LDLRAD2: variants seen among roughly 807,000 people sequenced by gnomAD.
LDLRAD2 encodes the protein low-density lipoprotein receptor class A domain-containing protein 2.
In LDLRAD2, 25 loss-of-function variants were observed where a neutral mutation model predicts 24.9. The ratio of observed to expected loss-of-function variants is 1.00; its 90% CI spans 0.73 to 1.40. The LOEUF (loss-of-function observed/expected upper bound fraction) is 1.40, where lower values mean the gene tolerates loss of function less well. LDLRAD2 is among the 40% of genes most tolerant of loss of function. The probability of loss-of-function intolerance (pLI) is 0.00; values close to 1 mark genes in which losing one functional copy is unlikely to be tolerated. For synonymous variants in LDLRAD2, 182 were observed against 166.7 expected (o/e 1.09, Z -0.71); for missense variants, 391 against 366.2 (o/e 1.07, Z -0.55).
In LDLRAD2 at chr1:21,814,538, C is replaced by T. The variant is rs1393655212; in HGVS notation, c.226C>T (p.Arg76Trp). 1 of 1,612,440 alleles carries T rather than the reference C, an allele frequency of 6.2e-7. No homozygotes were observed. Among genetic ancestry groups the T allele is most frequent in the East Asian group, 2.2e-5 (1 of 44,838 alleles). Residue 76 changes from arginine (R) to tryptophan (W), a missense_variant, in exon 2 of 5, where the codon CGG (arginine) becomes TGG (tryptophan). Arg to Trp is a moderately radical substitution (Grantham distance 101, BLOSUM62 -3). Coordinates refer to ENST00000344642, the MANE Select transcript of LDLRAD2 (RefSeq NM_001013693.3). The stretch of plus-strand genomic sequence containing the variant: ...GGTGCAGGCGGCAGCCCCCGGCGAC[C>T]GGATCCGCTTCCAGTTCCGCTTCTT... The part of the protein sequence containing the change: ...LWVQAAAPGD[R>W]IRFQFRFFLV...
At chr1:21,814,917 AG>A in intron 2 of LDLRAD2, 94 bp downstream of exon 2, 1 of 1,202,934 alleles carries the variant, frequency 8.3e-7, no homozygotes, top group Non-Finnish European at 1.1e-6. Context: ...CGCTGCCGAC[AG>A]GGGAATGGCA....
chr1:21,815,986 C>T lies in LDLRAD2; in HGVS notation c.555C>T (p.Ile185=), dbSNP rs780586018. Residue 185 remains isoleucine (I), a synonymous_variant, in exon 3 of 5, where the codon ATC becomes ATT. Coordinates refer to ENST00000344642, the MANE Select transcript of LDLRAD2 (RefSeq NM_001013693.3). The part of the protein sequence containing the change: ...AYFRCQNGRC[I]PSSLVCDPWG... ...TCCGCTGCCAGAATGGCAGGTGCAT[C>T]CCCTCAAGCCTCGTGTGTGACCCCT... 1 of 1,613,906 alleles carries T rather than the reference C, an allele frequency of 6.2e-7. No individual in the cohort carries two copies. Among genetic ancestry groups the T allele is most frequent in the Non-Finnish European group, 8.5e-7 (1 of 1,179,978 alleles).
chr1:21,812,593 T>G, intron 1 of LDLRAD2, 57 bp downstream of exon 1: 1 of 1,412,000 alleles, frequency 7.1e-7, no homozygotes, highest in Non-Finnish European at 1.0e-6. Flanking sequence ...CCACCATCCT[T>G]AGAGACTATG....
intron 1 of LDLRAD2, among the ~76,000 whole-genome samples, chr1:21,813,703 T>C (rs2097940756): frequency 6.6e-6 from 1 of 152,210 alleles, no homozygotes; most frequent in South Asian, 2.1e-4. Context: ...CATAGGTGAT[T>C]CCAGAGATGG....
At chr1:21,818,708 C>T (rs2097946849) in intron 3 of LDLRAD2, among the ~76,000 whole-genome samples, 1 of 152,154 alleles carries the variant, frequency 6.6e-6, no homozygotes, top group South Asian at 2.1e-4. Flanking sequence ...TTATGCTTCC[C>T]CGCCAGAGGT....
rs2097964789 is a variant in LDLRAD2, at chr1:21,824,804, C to T, written c.*2589C>T. On this transcript the variant is annotated 3_prime_UTR_variant, in exon 5 of 5. Transcript: ENST00000344642. This position sits in a 1 kb window ranked among gnomAD's most constrained non-coding sequence, Gnocchi z 5.9. ...TCTGTGGGAGAGAGGAGGGTGGTGC[C>T]ATACCTGCTGCATCAGGCATCAAAA... The T allele has an allele frequency of 6.3e-7, 1 of 1,595,806 alleles. No homozygotes were observed. The highest frequency in any genetic ancestry group is 1.1e-5 in the South Asian group (1 of 89,150).
Position 21,824,179 on chromosome 1 carries a change from G to T in LDLRAD2, c.*1964G>T. ...TTGATGGGGTCCTCAGAGACCAGGC[G>T]GGCCTCCCCACTACCCAGCTGGTAC... On this transcript the variant is annotated 3_prime_UTR_variant, in exon 5 of 5. Coordinates refer to ENST00000344642, the MANE Select transcript of LDLRAD2 (RefSeq NM_001013693.3). This position sits in a 1 kb window ranked among gnomAD's most constrained non-coding sequence, Gnocchi z 5.9. 1 of 1,613,722 alleles carries T rather than the reference G, an allele frequency of 6.2e-7. No homozygotes were observed.
At chr1:21,820,535 AAAAAAAG>A (rs1382385414) in intron 3 of LDLRAD2, among the ~76,000 whole-genome samples, 4 of 150,846 alleles carry the variant, frequency 2.7e-5, no homozygotes, top group African/African-American at 2.4e-5. Flanking sequence ...AAAAAAAAAA[AAAAAAAG>A]AAAAGAAAAG....
chr1:21,815,895 G>C, intron 2 of LDLRAD2, 48 bp from the exon 3 acceptor site: 1 of 1,606,520 alleles, frequency 6.2e-7, no homozygotes. Flanking sequence ...CTGCTGTGTC[G>C]TGGGCTGGAC....
At chr1:21,815,336 C>T (rs2097942832) in intron 2 of LDLRAD2, among the ~76,000 whole-genome samples, 1 of 152,254 alleles carries the variant, frequency 6.6e-6, no homozygotes, top group African/African-American at 2.4e-5. Context: ...TTACACACAG[C>T]TCACATGCTC....
Position 21,814,453 on chromosome 1 carries a change from C to T in LDLRAD2, c.141C>T (p.Arg47=). The change falls in exon 2 of 5, where the codon CGC becomes CGT. Residue 47 remains arginine, a synonymous_variant. Transcript: ENST00000344642. The part of the protein sequence containing the change: ...QTWQGDGLLL[R]SHAASRRFYF... Reference sequence around the variant, plus strand: ...GGCAGGGGGACGGGCTGCTGCTGCGCTCGCACGCCGCATCGCGCAGGTTCT... The same window carrying T: ...GGCAGGGGGACGGGCTGCTGCTGCGTTCGCACGCCGCATCGCGCAGGTTCT... 1 of 1,610,770 alleles carries T rather than the reference C, an allele frequency of 6.2e-7. No homozygotes were observed. Among genetic ancestry groups the T allele is most frequent in the South Asian group, 1.1e-5 (1 of 90,934 alleles).
intron 3 of LDLRAD2, among the ~76,000 whole-genome samples, chr1:21,817,338 T>C (rs886264776): frequency 6.6e-6 from 1 of 152,164 alleles, no homozygotes; most frequent in Non-Finnish European, 1.5e-5. Flanking sequence ...TTTTTTCAAA[T>C]GAACTTACTT....
chr1:21,823,650 G>T lies in LDLRAD2; in HGVS notation c.*1435G>T. The T allele has an allele frequency of 6.2e-7, 1 of 1,613,774 alleles. No individual in the cohort carries two copies. Among genetic ancestry groups the T allele is most frequent in the Non-Finnish European group, 8.5e-7 (1 of 1,179,986 alleles). On this transcript the variant is annotated 3_prime_UTR_variant, in exon 5 of 5. Transcript: ENST00000344642. The stretch of plus-strand genomic sequence containing the variant: ...CGCTGCCCTTGGCGTTGACTGCCAC[G>T]TTGGGACCTGGGGACCGGCCGCTGA...
At chr1:21,821,672 G>C (rs1485089337) in intron 4 of LDLRAD2, 61 bp downstream of exon 4, 5 of 1,593,074 alleles carry the variant, frequency 3.1e-6, no homozygotes, top group South Asian at 1.1e-5. Flanking sequence ...AGGTGATGGG[G>C]ACGGGGCAGA....
At chr1:21,815,424 G>A (rs1357648988) in intron 2 of LDLRAD2, among the ~76,000 whole-genome samples, 2 of 152,176 alleles carry the variant, frequency 1.3e-5, no homozygotes, top group Non-Finnish European at 2.9e-5. Flanking sequence ...GACTCGCCAG[G>A]CCTGTAGGCA....
chr1:21,813,196 G>A (rs2097940264), intron 1 of LDLRAD2, among the ~76,000 whole-genome samples: 1 of 152,178 alleles, frequency 6.6e-6, no homozygotes, highest in South Asian at 2.1e-4. Flanking sequence ...TTGGGAGGCT[G>A]AGGCAGGAGA....
At chr1:21,815,356 A>G (rs1267250062) in intron 2 of LDLRAD2, among the ~76,000 whole-genome samples, 2 of 152,238 alleles carry the variant, frequency 1.3e-5, no homozygotes, top group Non-Finnish European at 2.9e-5. Flanking sequence ...CTCATGCCAC[A>G]TGCTGGCTGC....
rs375828008 is a variant in LDLRAD2, at chr1:21,824,811, G to A, written c.*2596G>A. On this transcript the variant is annotated 3_prime_UTR_variant, in exon 5 of 5. Coordinates refer to ENST00000344642, the MANE Select transcript of LDLRAD2 (RefSeq NM_001013693.3). This position sits in a 1 kb window ranked among gnomAD's most constrained non-coding sequence, Gnocchi z 5.9. ...GAGAGAGGAGGGTGGTGCCATACCT[G>A]CTGCATCAGGCATCAAAATCCCCCG... The A allele has an allele frequency of 5.7e-6, 9 of 1,575,448 alleles. No homozygotes were observed. Among genetic ancestry groups the A allele is most frequent in the Non-Finnish European group, 7.8e-6 (9 of 1,152,570 alleles).
chr1:21,822,103 T>C (rs1357894966), intron 4 of LDLRAD2, 99 bp from the exon 5 acceptor site: 2 of 1,606,474 alleles, frequency 1.2e-6, no homozygotes, highest in African/African-American at 2.7e-5. Flanking sequence ...AATAGGACAA[T>C]TCCTGCCTCA....
Sources: allele counts gnomAD v4.1 joint callset (sites outside exome capture counted in the v4.1 genomes callset), GRCh38; gene constraint gnomAD v4.1.1; non-coding constraint Gnocchi (gnomAD v3.1); transcripts MANE v1.5; gene names NCBI Gene and HGNC (gene_info 2026-07-23, HGNC 2026-07-21).